Variants in NUP210L observed in about 807,000 individuals in gnomAD.
NUP210L encodes nuclear pore membrane glycoprotein 210-like.
Under a neutral mutation model 208.5 loss-of-function variants are expected in NUP210L, and 74 were observed. The observed-to-expected ratio is 0.35, with a 90% CI of 0.29 to 0.43. NUP210L has a LOEUF of 0.43. NUP210L is among the 20% of genes least tolerant of loss of function. NUP210L has a pLI of 1.00. For synonymous variants in NUP210L, 780 were observed against 816.9 expected (o/e 0.95, Z 0.77); for missense variants, 1,843 against 2,289.4 (o/e 0.81, Z 3.98).
intron 6 of NUP210L, among the ~76,000 whole-genome samples, chr1:154,137,444 C>T (rs913679115): frequency 2.0e-5 from 3 of 151,540 alleles, no homozygotes; most frequent in Admixed American, 6.6e-5. Context: ...CCCAGCTACT[C>T]GGGAGGCTGA....
chr1:154,155,028 G>A, exon 1 of NUP210L: 1 of 1,607,312 alleles, frequency 6.2e-7, no homozygotes, highest in East Asian at 2.2e-5. Flanking sequence ...TCTTGATGAC[G>A]CCGGACAGCC....
chr1:154,018,262 G>A (rs375461172), intron 33 of NUP210L, among the ~76,000 whole-genome samples: 8 of 152,176 alleles, frequency 5.3e-5, no homozygotes, highest in African/African-American at 1.9e-4. Context: ...GTGAGCCACC[G>A]CGCCTGGCCT....
chr1:154,077,299 C>A (rs113431279), intron 16 of NUP210L, among the ~76,000 whole-genome samples: 8,602 of 151,810 alleles, frequency 0.057, 825 homozygotes, highest in African/African-American at 0.19. Context: ...TTGCTTGAAT[C>A]CAGGAGGCAG....
intron 27 of NUP210L, among the ~76,000 whole-genome samples, chr1:154,033,489 C>T (rs1652367721): frequency 6.6e-6 from 1 of 152,158 alleles, no homozygotes; most frequent in East Asian, 1.9e-4. Flanking sequence ...CCCAGCACCA[C>T]TGACTGAAGA....
At chr1:154,094,209 G>T (rs954906651) in intron 15 of NUP210L, among the ~76,000 whole-genome samples, 2 of 152,130 alleles carry the variant, frequency 1.3e-5, no homozygotes, top group South Asian at 4.1e-4. Context: ...CTTGAACCCG[G>T]AAGGCAGAGG....
intron 16 of NUP210L, among the ~76,000 whole-genome samples, chr1:154,078,594 CAAAA>C (rs1168583884): frequency 1.0e-5 from 1 of 97,480 alleles, no homozygotes; most frequent in African/African-American, 3.8e-5. Flanking sequence ...GAATCTGTCT[CAAAA>C]AAAAAAAAAA....
intron 4 of NUP210L, among the ~76,000 whole-genome samples, chr1:154,140,623 T>C (rs1658803182): frequency 7.0e-6 from 1 of 143,030 alleles, no homozygotes; most frequent in Non-Finnish European, 1.5e-5. Context: ...GCCGAGATCG[T>C]GTCACTGCAC....
At chr1:154,008,505 G>A (rs1031174006) in intron 35 of NUP210L, among the ~76,000 whole-genome samples, 3 of 152,092 alleles carry the variant, frequency 2.0e-5, no homozygotes, top group Admixed American at 6.6e-5. Context: ...TCAGGAGTTC[G>A]AGACCAGCCT....
At chr1:154,084,494 G>A (rs959635916) in intron 16 of NUP210L, among the ~76,000 whole-genome samples, 1 of 152,016 alleles carries the variant, frequency 6.6e-6, no homozygotes, top group African/African-American at 2.4e-5. Flanking sequence ...TTAGAAGCAT[G>A]AGCCACCGCA....
chr1:154,017,726 A>G (rs1188410021), intron 33 of NUP210L, among the ~76,000 whole-genome samples: 1 of 151,870 alleles, frequency 6.6e-6, no homozygotes, highest in Non-Finnish European at 1.5e-5. Context: ...CATGTTGGTC[A>G]GGCTGGGTCT....
chr1:154,092,150 A>G (rs1028152585), intron 15 of NUP210L, among the ~76,000 whole-genome samples: 8 of 143,336 alleles, frequency 5.6e-5, no homozygotes, highest in Non-Finnish European at 1.2e-4. Flanking sequence ...ATCTCGGCTC[A>G]TTGTAAGCTC....
At chr1:154,088,598 A>C (rs1369376602) in intron 16 of NUP210L, among the ~76,000 whole-genome samples, 1 of 152,176 alleles carries the variant, frequency 6.6e-6, no homozygotes, top group African/African-American at 2.4e-5. Context: ...AGTCTGACTC[A>C]AAAAAATGGG....
intron 27 of NUP210L, among the ~76,000 whole-genome samples, chr1:154,040,430 AAGG>A (rs1652807330): frequency 1.3e-5 from 2 of 151,958 alleles, no homozygotes; most frequent in African/African-American, 2.4e-5. Flanking sequence ...AAGGAAGAAG[AAGG>A]AGGAGGAGCA....
exon 38 of NUP210L, chr1:153,995,085 T>C: frequency 6.2e-7 from 1 of 1,607,378 alleles, no homozygotes; most frequent in Non-Finnish European, 8.5e-7. Context: ...CCTAGGAAGA[T>C]GGAAGCTGTT....
At chr1:154,081,995 A>G (rs1300218667) in intron 16 of NUP210L, among the ~76,000 whole-genome samples, 1 of 152,150 alleles carries the variant, frequency 6.6e-6, no homozygotes, top group East Asian at 1.9e-4. Context: ...AACAAAAAAC[A>G]TTGGACACCA....
intron 28 of NUP210L, among the ~76,000 whole-genome samples, chr1:154,029,375 CAAAAAAAAAA>C (rs57790370): frequency 6.8e-5 from 3 of 44,070 alleles, no homozygotes; most frequent in South Asian, 2.3e-3. Flanking sequence ...AAGACTGTCT[CAAAAAAAAAA>C]AAAAAAAAAA....
intron 16 of NUP210L, among the ~76,000 whole-genome samples, chr1:154,083,234 G>A (rs1655446324): frequency 6.6e-6 from 1 of 152,092 alleles, no homozygotes; most frequent in South Asian, 2.1e-4. Flanking sequence ...ATTTTACAGA[G>A]CACTGATTGG....
intron 35 of NUP210L, among the ~76,000 whole-genome samples, chr1:154,002,217 ATTCT>A (rs1650260248): frequency 6.6e-6 from 1 of 152,106 alleles, no homozygotes; most frequent in South Asian, 2.1e-4. Flanking sequence ...TGAGAATACC[ATTCT>A]TTCTTTTTTT....
chr1:154,051,313 C>T (rs376038742), intron 25 of NUP210L, among the ~76,000 whole-genome samples: 116 of 152,152 alleles, frequency 7.6e-4, no homozygotes, highest in African/African-American at 2.2e-3. Flanking sequence ...GGGTTCACGC[C>T]ATTCTCCTGC....
Sources: allele counts gnomAD v4.1 joint callset (sites outside exome capture counted in the v4.1 genomes callset), GRCh38; gene constraint gnomAD v4.1.1; transcripts MANE v1.5; gene names NCBI Gene and HGNC (gene_info 2026-07-23, HGNC 2026-07-21).